The following CYP39A1 variants were observed in gnomAD, a reference collection of about 807,000 sequenced individuals.
CYP39A1 encodes the protein 24-hydroxycholesterol 7-alpha-hydroxylase.
In CYP39A1, 49 loss-of-function variants were observed where a neutral mutation model predicts 58.1. The ratio of observed to expected loss-of-function variants is 0.84; its 90% CI spans 0.67 to 1.07. The LOEUF is 1.07. Ranked by LOEUF, CYP39A1 falls within the 50% of genes least tolerant of loss-of-function variation. The pLI, the probability that CYP39A1 is intolerant of heterozygous loss-of-function variation, is 0.00. For synonymous variants in CYP39A1, 209 were observed against 187.6 expected, an observed-to-expected ratio of 1.11 and a Z score of -0.93; for missense variants, 531 against 539.4, an observed-to-expected ratio of 0.98 and a Z score of 0.16.
intron 10 of CYP39A1, among the ~76,000 whole-genome samples, chr6:46,574,274 C>T (rs1297056451): frequency 6.6e-6 from 1 of 152,104 alleles, no homozygotes; most frequent in African/African-American, 2.4e-5. Flanking sequence ...AATAGAAACC[C>T]TAGTAGTTAA....
chr6:46,563,360 T>C (rs1402276375), intron 10 of CYP39A1, among the ~76,000 whole-genome samples: 1 of 152,216 alleles, frequency 6.6e-6, no homozygotes, highest in African/African-American at 2.4e-5. Flanking sequence ...ATGAGGCACA[T>C]TGTTTATGAC....
At chr6:46,603,656 C>A (rs1041587461) in intron 7 of CYP39A1, among the ~76,000 whole-genome samples, 4 of 152,172 alleles carry the variant, frequency 2.6e-5, no homozygotes, top group Middle Eastern at 3.2e-3. Flanking sequence ...GCAAAATAAA[C>A]CTCTAAATTG....
chr6:46,643,163 G>C (rs926600735), intron 1 of CYP39A1, among the ~76,000 whole-genome samples: 1 of 152,116 alleles, frequency 6.6e-6, no homozygotes, highest in Non-Finnish European at 1.5e-5. Flanking sequence ...GGAAAAAAAA[G>C]TCATCATTTT....
rs1026772015 is a variant in CYP39A1 at position 46,642,234 on chromosome 6, CCTT to C, written c.239_241del (p.Glu80del). The stretch of plus-strand genomic sequence containing the variant: ...TTTGGATTTTAGAAACACATTAATT[CCTT>C]CTTCTTCAGTAACAAAGGTCATTCG... On this transcript the variant is annotated inframe_deletion, in exon 2 of 12. Transcript: ENST00000275016. The C allele has an allele frequency of 2.5e-6, 4 of 1,612,544 alleles. No homozygotes were observed. Among genetic ancestry groups the C allele is most frequent in the East Asian group, 2.2e-5 (1 of 44,714 alleles).
chr6:46,608,213 T>C lies in CYP39A1; in HGVS notation c.932-12093A>G, dbSNP rs573915937. 2.6e-5 allele frequency among the ~76,000 whole-genome samples: 4 copies of C among 152,344 alleles called. No homozygotes were observed. In the South Asian group the frequency reaches 8.3e-4, roughly 32 times the overall value. On this transcript the variant is annotated intron_variant, in intron 7 of 11. Transcript: ENST00000275016. ...TTATTCAATAGTTTTGGAAAATATATAGCATTTGTATGACTTCTATGCAAA... is the reference window on the plus strand; with the variant it reads ...TTATTCAATAGTTTTGGAAAATATACAGCATTTGTATGACTTCTATGCAAA...
intron 1 of CYP39A1, among the ~76,000 whole-genome samples, chr6:46,647,216 CTT>C (rs1218026171): frequency 6.6e-6 from 1 of 151,964 alleles, no homozygotes; most frequent in African/African-American, 2.4e-5. Flanking sequence ...TTCAATCTAT[CTT>C]TTATTTTTCA....
At chr6:46,557,940 AAAAAAAAAAAAAAAG>A (rs1212090183) in intron 10 of CYP39A1, among the ~76,000 whole-genome samples, 1 of 149,930 alleles carries the variant, frequency 6.7e-6, no homozygotes, top group Non-Finnish European at 1.5e-5. Flanking sequence ...TCTCAAAAAA[AAAAAAAAAAAAAAAG>A]AAAAAAAGAA....
chr6:46,558,745 C>G (rs535252537), intron 10 of CYP39A1, among the ~76,000 whole-genome samples: 5 of 152,112 alleles, frequency 3.3e-5, no homozygotes, highest in African/African-American at 1.2e-4. Flanking sequence ...TGCCTATAAT[C>G]CCAGCACTTT....
chr6:46,566,327 A>T (rs1381989502), intron 10 of CYP39A1, among the ~76,000 whole-genome samples: 1 of 152,160 alleles, frequency 6.6e-6, no homozygotes, highest in African/African-American at 2.4e-5. Context: ...GACAATCTAT[A>T]AAGGAAAGAG....
At position 46,631,058 on chromosome 6, in the gene CYP39A1, C is replaced by T. The variant is rs1434659716; in HGVS notation, c.745G>A (p.Ala249Thr). 1.2e-6 allele frequency: 2 copies of T among 1,613,302 alleles called. No individual in the cohort carries two copies. The highest frequency in any genetic ancestry group is 8.5e-7 in the Non-Finnish European group (1 of 1,179,512). The change falls in exon 6 of 12, where the codon GCT becomes ACT. Residue 249 changes from alanine to threonine, a missense_variant. Coordinates refer to ENST00000275016, the MANE Select transcript of CYP39A1 (RefSeq NM_016593.5). Reference sequence around the variant, plus strand: ...TCCGTCTCTACAATATCCAGCGTAGCTTGCAATAATGTCTGTTTAAAAGAA... The same window carrying T: ...TCCGTCTCTACAATATCCAGCGTAGTTTGCAATAATGTCTGTTTAAAAGAA... Reference protein sequence around the residue: ...AKDNSMTLLQATLDIVETETS... With the variant: ...AKDNSMTLLQTTLDIVETETS...
At chr6:46,643,403 G>A (rs909003520) in intron 1 of CYP39A1, among the ~76,000 whole-genome samples, 1 of 152,190 alleles carries the variant, frequency 6.6e-6, no homozygotes, top group East Asian at 1.9e-4. Context: ...AGTGTTGGGT[G>A]CTACTAGGCA....
At chr6:46,554,029 T>C (rs1770545245) in intron 10 of CYP39A1, among the ~76,000 whole-genome samples, 175 bp from the exon 11 acceptor site, 1 of 152,150 alleles carries the variant, frequency 6.6e-6, no homozygotes, top group Non-Finnish European at 1.5e-5. Context: ...TACCACCTAC[T>C]CCATAGGGTA....
intron 8 of CYP39A1, among the ~76,000 whole-genome samples, chr6:46,595,004 G>A (rs1773062006): frequency 1.3e-5 from 2 of 151,806 alleles, no homozygotes; most frequent in Admixed American, 6.6e-5. Flanking sequence ...AATTGGCAAG[G>A]AATCTGAATA....
At chr6:46,645,611 CATTCT>C (rs936525354) in intron 1 of CYP39A1, among the ~76,000 whole-genome samples, 5 of 152,142 alleles carry the variant, frequency 3.3e-5, no homozygotes, top group Non-Finnish European at 5.9e-5. Context: ...TGATTCCTCT[CATTCT>C]ATTCTACTTT....
chr6:46,649,070 T>C (rs1409466153), intron 1 of CYP39A1, among the ~76,000 whole-genome samples: 1 of 152,252 alleles, frequency 6.6e-6, no homozygotes, highest in Non-Finnish European at 1.5e-5. Context: ...TTTTCTGTTG[T>C]AACAGAATTT....
intron 10 of CYP39A1, among the ~76,000 whole-genome samples, chr6:46,555,926 A>G (rs1194173756): frequency 1.3e-5 from 2 of 152,238 alleles, no homozygotes; most frequent in African/African-American, 4.8e-5. Flanking sequence ...CAAATGCTAA[A>G]GATAATTTAT....
chr6:46,571,024 G>T (rs1292920293), intron 10 of CYP39A1, among the ~76,000 whole-genome samples: 1 of 152,124 alleles, frequency 6.6e-6, no homozygotes, highest in African/African-American at 2.4e-5. Flanking sequence ...CCATATGTTT[G>T]TGAATGTTCC....
In CYP39A1 at chr6:46,588,111, C is replaced by T; in HGVS notation, c.1084G>A (p.Gly362Ser). The T allele has an allele frequency of 6.3e-7, 1 of 1,592,346 alleles. No individual in the cohort carries two copies. Among genetic ancestry groups the T allele is most frequent in the Non-Finnish European group, 8.6e-7 (1 of 1,168,528 alleles). ...VEILNYIIPS[G>S]DLLMLSPFWL... ...AATGGAGACAACATCAACAAGTCAC[C>T]AGAAGGAATGATGTAATTCTATAAC... The change falls in exon 9 of 12, where the codon GGT becomes AGT. Residue 362 changes from glycine (G) to serine (S), a missense_variant. Transcript: ENST00000275016.
chr6:46,583,193 C>T, intron 10 of CYP39A1: 2 of 985,394 alleles, frequency 2.0e-6, no homozygotes, highest in South Asian at 4.7e-5. Flanking sequence ...ACACTCTCTT[C>T]TTATCCAAGC....
Sources: allele counts gnomAD v4.1 joint callset (sites outside exome capture counted in the v4.1 genomes callset), GRCh38; gene constraint gnomAD v4.1.1; transcripts MANE v1.5; gene names NCBI Gene and HGNC (gene_info 2026-07-23, HGNC 2026-07-21).